ASTN1: variants seen among roughly 807,000 people sequenced by gnomAD.
ASTN1 encodes astrotactin-1.
ASTN1 carries 41 observed loss-of-function variants against 140.7 expected under a neutral mutation model. That is an observed-to-expected ratio of 0.29 (90% confidence interval 0.23 to 0.38). The LOEUF is 0.38. ASTN1 is among the 10% of genes least tolerant of loss of function. The pLI is 1.00. For missense variants in ASTN1, 1,479 were observed against 1,678.8 expected, an observed-to-expected ratio of 0.88 and a Z score of 2.08; for synonymous variants, 640 against 652.2, an observed-to-expected ratio of 0.98 and a Z score of 0.29.
At chr1:176,947,813 C>G (rs1432972362) in intron 12 of ASTN1, among the ~76,000 whole-genome samples, 1 of 152,180 alleles carries the variant, frequency 6.6e-6, no homozygotes. Context: ...GGGGAAAGAT[C>G]AGGTCGGGTA....
chr1:177,028,202 T>C (rs1292730408), intron 5 of ASTN1, among the ~76,000 whole-genome samples: 2 of 152,188 alleles, frequency 1.3e-5, no homozygotes, highest in African/African-American at 4.8e-5. Context: ...ACCATGGATT[T>C]TTCTGAAACA....
intron 2 of ASTN1, among the ~76,000 whole-genome samples, chr1:177,044,200 C>T (rs1677107843): frequency 6.7e-6 from 1 of 148,254 alleles, no homozygotes; most frequent in Non-Finnish European, 1.5e-5. Context: ...CACACACACA[C>T]ACATACACAC....
intron 20 of ASTN1, among the ~76,000 whole-genome samples, chr1:176,882,277 T>C (rs767654269): frequency 3.3e-5 from 5 of 152,240 alleles, no homozygotes; most frequent in Non-Finnish European, 7.3e-5. Flanking sequence ...GAGTTCTTGG[T>C]ATTCTATGCC....
chr1:176,945,709 T>C (rs907109020), intron 13 of ASTN1, among the ~76,000 whole-genome samples: 1 of 152,238 alleles, frequency 6.6e-6, no homozygotes, highest in African/African-American at 2.4e-5. Flanking sequence ...TAAAATCTCA[T>C]TTAACACTTT....
chr1:177,039,815 A>G (rs1273094933), intron 2 of ASTN1, among the ~76,000 whole-genome samples: 1 of 152,230 alleles, frequency 6.6e-6, no homozygotes, highest in Non-Finnish European at 1.5e-5. Context: ...TGGTAAATTA[A>G]GGGTAGATAA....
rs374016257 is a variant in ASTN1, at chr1:176,944,138, C to T, written c.2250-120G>A. Reference sequence around the variant, plus strand: ...TGTTGCCCAGGCTGGAGTGCAATGGCAGGATCTCAGCTCACCGCAACCTCT... The same window carrying T: ...TGTTGCCCAGGCTGGAGTGCAATGGTAGGATCTCAGCTCACCGCAACCTCT... On this transcript the variant is annotated intron_variant, in intron 13 of 22. Coordinates refer to ENST00000361833, the MANE Select transcript of ASTN1 (RefSeq NM_004319.3). 1.5e-4 allele frequency: 206 copies of T among 1,330,786 alleles called. No individual in the cohort carries two copies. In the African/African-American group the frequency reaches 2.6e-3, roughly 17 times the overall value. The allele number at this position is 1,330,786 out of a possible 1,614,324, so 82.4% of individuals were successfully genotyped here.
At chr1:177,016,349 G>A (rs1675547317) in intron 7 of ASTN1, among the ~76,000 whole-genome samples, 1 of 148,576 alleles carries the variant, frequency 6.7e-6, no homozygotes, top group Non-Finnish European at 1.5e-5. Context: ...GGGAGTATTT[G>A]ATCAGGACAT....
In ASTN1 at chr1:177,162,168, A is replaced by C. The variant is rs74947065; in HGVS notation, c.283+2226T>G. ...AAGAGCTGCATGATCAAGACCACAA[A>C]AGTTAAATTCAAAACTACCTTTGAG... On this transcript the variant is annotated intron_variant, in intron 1 of 22. Coordinates refer to ENST00000361833, the MANE Select transcript of ASTN1 (RefSeq NM_004319.3). 6.6e-3 allele frequency among the ~76,000 whole-genome samples: 1,010 copies of C among 152,236 alleles called. 11 individuals carry two copies. The highest frequency in any genetic ancestry group is 0.022 in the African/African-American group (901 of 41,542).
chr1:176,936,324 G>T lies in ASTN1; in HGVS notation c.2424C>A (p.His808Gln). The T allele has an allele frequency of 1.9e-6, 3 of 1,613,802 alleles. No individual in the cohort carries two copies. The South Asian group carries it at 3.3e-5, about 18-fold the overall frequency. Residue 808 changes from histidine to glutamine, a missense_variant, in exon 15 of 23, where the codon CAC becomes CAA. By Grantham distance (24) the His-to-Gln change is conservative. This residue lies in a region of ASTN1 where 746 missense variants were observed against 800.9 expected (regional missense o/e 0.93). Coordinates refer to ENST00000361833, the MANE Select transcript of ASTN1 (RefSeq NM_004319.3). Reference sequence around the variant, plus strand: ...GGTACATCACAGACCGGACCTTCCAGTGCTGCAGCACAGGGTACCCAGACA... The same window carrying T: ...GGTACATCACAGACCGGACCTTCCATTGCTGCAGCACAGGGTACCCAGACA... ...SEVSGYPVLQHWKVRSVMYHI... is the reference protein window; with the variant it reads ...SEVSGYPVLQQWKVRSVMYHI...
intron 1 of ASTN1, among the ~76,000 whole-genome samples, chr1:177,132,588 T>G (rs1309788610): frequency 6.6e-6 from 1 of 152,218 alleles, no homozygotes; most frequent in Non-Finnish European, 1.5e-5. Context: ...GTCTGGAAGC[T>G]GTAATCTATA....
intron 8 of ASTN1, among the ~76,000 whole-genome samples, chr1:177,013,603 C>A (rs1485516890): frequency 6.6e-6 from 1 of 152,168 alleles, no homozygotes; most frequent in Non-Finnish European, 1.5e-5. Flanking sequence ...ACGGAAGGGG[C>A]AGATCATTGA....
rs1372787938 is a variant in ASTN1, at chr1:176,864,315, T to C, written c.3854A>G (p.Tyr1285Cys). The change falls in exon 23 of 23, where the codon TAC becomes TGC. Residue 1285 changes from tyrosine to cysteine, a missense_variant. Tyr to Cys is a radical substitution (Grantham distance 194, BLOSUM62 -2). This residue lies in a region of ASTN1 where 746 missense variants were observed against 800.9 expected (regional missense o/e 0.93). Coordinates refer to ENST00000361833, the MANE Select transcript of ASTN1 (RefSeq NM_004319.3). ...CTCTTTGCTGTCCCCATAGTCGTTG[T>C]AGGGGATACTCAGGGTCTGCTCCTC... ...TCEEQTLSIP[Y>C]NDYGDSKEI 3.1e-6 allele frequency: 5 copies of C among 1,613,984 alleles called. No homozygotes were observed. The highest frequency in any genetic ancestry group is 4.2e-6 in the Non-Finnish European group (5 of 1,180,004).
chr1:177,037,970 G>C (rs1676805736), intron 2 of ASTN1, among the ~76,000 whole-genome samples: 1 of 152,184 alleles, frequency 6.6e-6, no homozygotes, highest in East Asian at 1.9e-4. Flanking sequence ...TAAGAGAATA[G>C]TATGAGATTT....
chr1:177,112,649 C>T (rs780296526), intron 1 of ASTN1, among the ~76,000 whole-genome samples: 20 of 152,206 alleles, frequency 1.3e-4, no homozygotes, highest in Non-Finnish European at 2.4e-4. Context: ...TCTCACATCC[C>T]TAATGCCTTT....
rs573115151 is a variant in ASTN1 at position 177,124,928 on chromosome 1, C to T, written c.283+39466G>A. On this transcript the variant is annotated intron_variant, in intron 1 of 22. Coordinates refer to ENST00000361833, the MANE Select transcript of ASTN1 (RefSeq NM_004319.3). ...TGTGTGGTAGTCCGTGCTCTCCTCT[C>T]ACACGCCAACCCATCACTTGGCAAG... Among the ~76,000 whole-genome samples, 3 of 152,326 alleles carry T rather than the reference C, an allele frequency of 2.0e-5. No homozygotes were observed. In the South Asian group the frequency reaches 6.2e-4, roughly 32 times the overall value.
chr1:176,879,658 G>A (rs578155128), intron 20 of ASTN1, among the ~76,000 whole-genome samples: 1 of 152,290 alleles, frequency 6.6e-6, no homozygotes, highest in Admixed American at 6.5e-5. Flanking sequence ...GACCTAGGAT[G>A]AAAATACCTG....
At chr1:176,875,863 G>C (rs1668538679) in intron 21 of ASTN1, among the ~76,000 whole-genome samples, 1 of 152,140 alleles carries the variant, frequency 6.6e-6, no homozygotes, top group African/African-American at 2.4e-5. Flanking sequence ...TTAAAATTCT[G>C]GTTATAAATA....
chr1:177,044,247 G>T (rs919255796), intron 2 of ASTN1, among the ~76,000 whole-genome samples: 4 of 150,516 alleles, frequency 2.7e-5, no homozygotes, highest in African/African-American at 9.8e-5. Context: ...TCTCTCCCTG[G>T]CATCCCACCC....
intron 1 of ASTN1, among the ~76,000 whole-genome samples, chr1:177,150,101 T>C (rs1447350490): frequency 3.3e-5 from 5 of 151,902 alleles, no homozygotes; most frequent in Non-Finnish European, 7.4e-5. Context: ...GTTGGAGATG[T>C]ATGAAATTGG....
Sources: gnomAD v4.1 joint callset for allele counts (sites outside exome capture counted in the v4.1 genomes callset) on GRCh38, gnomAD v4.1.1 for gene constraint, gnomAD v4.1.1 regional missense constraint, MANE v1.5 for transcripts, NCBI Gene and HGNC (gene_info 2026-07-23, HGNC 2026-07-21) for gene names.